KCNS1: variants seen among roughly 807,000 people sequenced by gnomAD.
KCNS1 encodes potassium voltage-gated channel modifier subfamily S member 1, also known as delayed-rectifier potassium channel regulatory subunit KCNS1.
A neutral mutation model predicts 33.1 loss-of-function variants in KCNS1; 26 were observed. The ratio of observed to expected loss-of-function variants is 0.79; its 90% CI spans 0.58 to 1.09. KCNS1 has a LOEUF of 1.09. Ranked by LOEUF, KCNS1 falls within the 50% of genes least tolerant of loss-of-function variation. The pLI, the probability that KCNS1 is intolerant of heterozygous loss-of-function variation, is 0.00. For synonymous variants in KCNS1, 299 were observed against 338.8 expected, an observed-to-expected ratio of 0.88 and a Z score of 1.29; for missense variants, 702 against 752.4, an observed-to-expected ratio of 0.93 and a Z score of 0.78.
rs1323767714 is a variant in KCNS1 at position 45,098,539 on chromosome 20, C to A, written c.233G>T (p.Arg78Leu). ...LARFPGTRLG[R>L]LQAAASEEQA... ...CTCCTCCGACGCCGCGGCCTGCAGG[C>A]GGCCCAGCCGCGTGCCCGGGAAGCG... Residue 78 changes from arginine to leucine, a missense_variant, in exon 3 of 4, where the codon CGC becomes CTC. This residue lies in a region of KCNS1 where 374 missense variants were observed against 352.3 expected (regional missense o/e 1.06). Coordinates refer to ENST00000537075, the MANE Select transcript of KCNS1 (RefSeq NM_001322799.2). This position sits in a 1 kb window ranked among gnomAD's most constrained non-coding sequence, Gnocchi z 5.2. 2.1e-6 allele frequency: 3 copies of A among 1,407,528 alleles called. No individual in the cohort carries two copies. The East Asian group carries it at 9.1e-5, about 43-fold the overall frequency. 87.2% of individuals were successfully genotyped at this position (1,407,528 alleles called of 1,614,324 possible). A position where few individuals can be genotyped will look rare whatever the true frequency, so the allele number is the denominator to read the frequency against.
Position 45,097,953 on chromosome 20 carries a change from T to C in KCNS1, c.819A>G (p.Arg273=), listed in dbSNP as rs2145514100. Residue 273 remains arginine (R), a synonymous_variant, in exon 3 of 4, where the codon CGA becomes CGG. Coordinates refer to ENST00000537075, the MANE Select transcript of KCNS1 (RefSeq NM_001322799.2). The part of the protein sequence containing the change: ...PEGVRDDPVL[R]RLEYFCIAWF... ...AGGCGATGCAGAAGTACTCGAGGCG[T>C]CGCAGCACCGGGTCGTCGCGCACGC... 1 of 1,569,356 alleles carries C rather than the reference T, an allele frequency of 6.4e-7. No homozygotes were observed. Among genetic ancestry groups the C allele is most frequent in the East Asian group, 2.4e-5 (1 of 41,828 alleles).
intron 3 of KCNS1, 91 bp from the exon 4 acceptor site, chr20:45,095,431 AAG>A: frequency 8.3e-7 from 1 of 1,205,466 alleles, no homozygotes; most frequent in Non-Finnish European, 1.1e-6. Flanking sequence ...AGAGAGTATA[AAG>A]GACAGGTCCA....
chr20:45,098,495 CG>C lies in KCNS1; in HGVS notation c.276del (p.Cys92TrpfsTer21). ...AASEEQARRL[C>X]DDYDEAAREF... Reference sequence around the variant, plus strand: ...TCGCGCGCCGCCTCGTCGTAGTCGTCGCACAGGCGCCGCGCCTGCTCCTCCG... The same window carrying C: ...TCGCGCGCCGCCTCGTCGTAGTCGTCCACAGGCGCCGCGCCTGCTCCTCCG... On this transcript the variant is annotated frameshift_variant, in exon 3 of 4. Coordinates refer to ENST00000537075, the MANE Select transcript of KCNS1 (RefSeq NM_001322799.2). LOFTEE classifies it high-confidence loss of function. The surrounding 1 kb of genome is among the most constrained non-coding windows in gnomAD (Gnocchi z 5.2). 1 of 1,548,004 alleles carries C rather than the reference CG, an allele frequency of 6.5e-7. No homozygotes were observed. Among genetic ancestry groups the C allele is most frequent in the South Asian group, 1.2e-5 (1 of 83,576 alleles).
At chr20:45,097,350 G>C (rs1981215655) in intron 3 of KCNS1, among the ~76,000 whole-genome samples, 1 of 152,198 alleles carries the variant, frequency 6.6e-6, no homozygotes. Flanking sequence ...TATATAATTT[G>C]ATGTTTGATA....
In KCNS1 at chr20:45,094,993, C is replaced by T. The variant is rs1362506892; in HGVS notation, c.1458G>A (p.Leu486=). 6.2e-7 allele frequency: 1 copy of T among 1,613,836 alleles called. No individual in the cohort carries two copies. The highest frequency in any genetic ancestry group is 2.2e-5 in the East Asian group (1 of 44,876). Residue 486 remains leucine, a synonymous_variant, in exon 4 of 4, where the codon CTG becomes CTA. Coordinates refer to ENST00000537075, the MANE Select transcript of KCNS1 (RefSeq NM_001322799.2). ...NSNHQEFEDL[L]SSIDGVSEAS... is the part of the protein sequence containing the mutation. ...CCTCCGACACCCCATCAATGCTGCT[C>T]AGCAAGTCCTCAAACTCTTGGTGGT...
chr20:45,095,105 A>T lies in KCNS1; in HGVS notation c.1346T>A (p.Val449Glu). The T allele has an allele frequency of 6.2e-7, 1 of 1,613,950 alleles. No individual in the cohort carries two copies. The highest frequency in any genetic ancestry group is 8.5e-7 in the Non-Finnish European group (1 of 1,179,972). Reference sequence around the variant, plus strand: ...GAAGATGATGGTGATGGGGAGTGCTACCACCAGGATGCCCCCTAGGATGCA... The same window carrying T: ...GAAGATGATGGTGATGGGGAGTGCTTCCACCAGGATGCCCCCTAGGATGCA... Reference protein sequence around the residue: ...SGCILGGILVVALPITIIFNK... With the variant: ...SGCILGGILVEALPITIIFNK... Residue 449 changes from valine to glutamate, a missense_variant, in exon 4 of 4, where the codon GTA becomes GAA. Transcript: ENST00000537075.
At chr20:45,097,637 T>C (rs1981224474) in intron 3 of KCNS1, 25 bp downstream of exon 3, 1 of 1,582,464 alleles carries the variant, frequency 6.3e-7, no homozygotes, top group South Asian at 1.1e-5. Flanking sequence ...CCACCCCAGC[T>C]CCAACCTGGC....
Position 45,091,277 on chromosome 20 carries a change from T to G in KCNS1, c.*3593A>C, listed in dbSNP as rs1230183632. On this transcript the variant is annotated 3_prime_UTR_variant, in exon 4 of 4. Transcript: ENST00000537075. ...CCTTTCCTCCAACTGCCGCAAATAC[T>G]AATACGGTACCTTGCCCTCCATCCC... 6.6e-6 allele frequency among the ~76,000 whole-genome samples: 1 copy of G among 152,220 alleles called. No homozygotes were observed. The highest frequency in any genetic ancestry group is 2.4e-5 in the African/African-American group (1 of 41,462).
At position 45,094,184 on chromosome 20, in the gene KCNS1, C is replaced by G. The variant is rs116958082; in HGVS notation, c.*686G>C. On this transcript the variant is annotated 3_prime_UTR_variant, in exon 4 of 4. Coordinates refer to ENST00000537075, the MANE Select transcript of KCNS1 (RefSeq NM_001322799.2). ...ATGGTACTTCCTCCCAGGACTCATC[C>G]TCCTTCCCTCCAGGACTCATCTTTG... 6.6e-6 allele frequency: 1 copy of G among 152,298 alleles called. No individual in the cohort carries two copies. Among genetic ancestry groups the G allele is most frequent in the Non-Finnish European group, 1.5e-5 (1 of 68,114 alleles). The allele number at this position is 152,298 out of a possible 1,614,324, so 9.4% of individuals were successfully genotyped here. A position where few individuals can be genotyped will look rare whatever the true frequency, so the allele number is the denominator to read the frequency against.
At position 45,098,476 on chromosome 20, in the gene KCNS1, G is replaced by T. The variant is rs1485711206; in HGVS notation, c.296C>A (p.Ala99Glu). 11 of 1,566,836 alleles carry T rather than the reference G, an allele frequency of 7.0e-6. No homozygotes were observed. Among genetic ancestry groups the T allele is most frequent in the Non-Finnish European group, 7.8e-6 (9 of 1,157,338 alleles). ...GTGCCGGTCGAAGTAGAATTCGCGCGCCGCCTCGTCGTAGTCGTCGCACAG... is the reference window on the plus strand; with the variant it reads ...GTGCCGGTCGAAGTAGAATTCGCGCTCCGCCTCGTCGTAGTCGTCGCACAG... ...RRLCDDYDEA[A>E]REFYFDRHPG... The change falls in exon 3 of 4, where the codon GCG becomes GAG. Residue 99 changes from alanine to glutamate, a missense_variant. By Grantham distance (107) the Ala-to-Glu change is moderately radical. Around this residue, in one of 3 missense-constraint regions of KCNS1, gnomAD observed 374 missense variants for 352.3 expected, o/e 1.06. Coordinates refer to ENST00000537075, the MANE Select transcript of KCNS1 (RefSeq NM_001322799.2). This position sits in a 1 kb window ranked among gnomAD's most constrained non-coding sequence, Gnocchi z 5.2.
Position 45,097,855 on chromosome 20 carries a change from T to C in KCNS1, c.917A>G (p.Asn306Ser), listed in dbSNP as rs776849142. 4 of 1,613,240 alleles carry C rather than the reference T, an allele frequency of 2.5e-6. No homozygotes were observed. In the Admixed American group the frequency reaches 5.0e-5, roughly 20 times the overall value. Residue 306 changes from asparagine (N) to serine (S), a missense_variant, in exon 3 of 4, where the codon AAC becomes AGC. Physicochemically the swap from Asn to Ser is conservative, Grantham distance 46. Around this residue, in one of 3 missense-constraint regions of KCNS1, gnomAD observed 253 missense variants for 327.4 expected, o/e 0.77. Transcript: ENST00000537075. The part of the protein sequence containing the change: ...STRNFFCHPL[N>S]LIDIVSVLPF... ...CAGCACAGACACAATGTCGATGAGG[T>C]TGAGCGGGTGGCAGAAGAAGTTGCG... is the stretch of plus-strand genomic sequence containing the variant.
rs1981158186 is a variant in KCNS1 at position 45,095,547 on chromosome 20, C to T, written c.1111-207G>A. On this transcript the variant is annotated intron_variant, in intron 3 of 3. Transcript: ENST00000537075. ...AAAACCCCCTGGTATTGCGCACAGG[C>T]CTAAGTTCTATTGTCCAAGGTATCT... is the stretch of plus-strand genomic sequence containing the variant. Among the ~76,000 whole-genome samples, 5 of 152,140 alleles carry T rather than the reference C, an allele frequency of 3.3e-5. No individual in the cohort carries two copies. In the South Asian group the frequency reaches 1.0e-3, roughly 32 times the overall value.
At chr20:45,095,392 G>A (rs779368467) in intron 3 of KCNS1, 52 bp from the exon 4 acceptor site, 2 of 1,497,684 alleles carry the variant, frequency 1.3e-6, no homozygotes, top group Admixed American at 3.8e-5. Context: ...TACAGTCCTG[G>A]TATTAGGCAT....
chr20:45,097,879 C>A lies in KCNS1; in HGVS notation c.893G>T (p.Arg298Leu), dbSNP rs751998907. Reference sequence around the variant, plus strand: ...GTTGAGCGGGTGGCAGAAGAAGTTGCGCGTACTGGGCGCCAGCAGGAGGCG... The same window carrying A: ...GTTGAGCGGGTGGCAGAAGAAGTTGAGCGTACTGGGCGCCAGCAGGAGGCG... Reference protein sequence around the residue: ...SSRLLLAPSTRNFFCHPLNLI... With the variant: ...SSRLLLAPSTLNFFCHPLNLI... The change falls in exon 3 of 4, where the codon CGC becomes CTC. Residue 298 changes from arginine to leucine, a missense_variant. Arg to Leu is a moderately radical substitution (Grantham distance 102). This residue lies in a region of KCNS1 where 253 missense variants were observed against 327.4 expected (regional missense o/e 0.77). Coordinates refer to ENST00000537075, the MANE Select transcript of KCNS1 (RefSeq NM_001322799.2). 8 of 1,611,770 alleles carry A rather than the reference C, an allele frequency of 5.0e-6. No individual in the cohort carries two copies. In the South Asian group the frequency reaches 5.5e-5, roughly 11 times the overall value.
In KCNS1 at chr20:45,095,044, A is replaced by C. The variant is rs1981135482; in HGVS notation, c.1407T>G (p.Ala469=). The change falls in exon 4 of 4, where the codon GCT becomes GCG. Residue 469 remains alanine, a synonymous_variant. Transcript: ENST00000537075. ...KFSHFYRRQK[A]LEAAVRNSNH... ...TGCTGTTGCGCACGGCTGCCTCCAGAGCCTTCTGGCGCCGGTAGAAGTGGG... is the reference window on the plus strand; with the variant it reads ...TGCTGTTGCGCACGGCTGCCTCCAGCGCCTTCTGGCGCCGGTAGAAGTGGG... 6.2e-7 allele frequency: 1 copy of C among 1,613,780 alleles called. No individual in the cohort carries two copies. The highest frequency in any genetic ancestry group is 2.2e-5 in the East Asian group (1 of 44,870).
chr20:45,096,846 G>A (rs574294317), intron 3 of KCNS1, among the ~76,000 whole-genome samples: 4 of 152,278 alleles, frequency 2.6e-5, no homozygotes, highest in Admixed American at 6.5e-5. Flanking sequence ...GCCCTGCCCC[G>A]CTCGACTCTT....
rs1401849421 is a variant in KCNS1, at chr20:45,097,964, G to T, written c.808C>A (p.Pro270Thr). The T allele has an allele frequency of 1.3e-6, 2 of 1,557,940 alleles. No homozygotes were observed. The highest frequency in any genetic ancestry group is 2.7e-5 in the African/African-American group (2 of 73,198). ...AAGTACTCGAGGCGTCGCAGCACCGGGTCGTCGCGCACGCCTTCCGGGCTG... is the reference window on the plus strand; with the variant it reads ...AAGTACTCGAGGCGTCGCAGCACCGTGTCGTCGCGCACGCCTTCCGGGCTG... ...GRSPEGVRDD[P>T]VLRRLEYFCI... Residue 270 changes from proline (P) to threonine (T), a missense_variant, in exon 3 of 4, where the codon CCG (proline) becomes ACG (threonine). By Grantham distance (38) the Pro-to-Thr change is conservative. Around this residue, in one of 3 missense-constraint regions of KCNS1, gnomAD observed 253 missense variants for 327.4 expected, o/e 0.77. Transcript: ENST00000537075.
At chr20:45,100,364 G>C (rs1007848171) in intron 1 of KCNS1, 1 of 152,190 alleles carries the variant, frequency 6.6e-6, no homozygotes, top group African/African-American at 2.4e-5. Flanking sequence ...ATCTCCACCT[G>C]CATTTGGCAT....
At chr20:45,096,708 G>A (rs1981196226) in intron 3 of KCNS1, among the ~76,000 whole-genome samples, 1 of 152,166 alleles carries the variant, frequency 6.6e-6, no homozygotes, top group African/African-American at 2.4e-5. Flanking sequence ...TCACCTCTGG[G>A]AGCCTCAGTT....
Sources: allele counts gnomAD v4.1 joint callset (sites outside exome capture counted in the v4.1 genomes callset), GRCh38; gene constraint gnomAD v4.1.1; regional missense constraint gnomAD v4.1.1; non-coding constraint Gnocchi (gnomAD v3.1); transcripts MANE v1.5; gene names NCBI Gene and HGNC (gene_info 2026-07-23, HGNC 2026-07-21).